The following TNIP3 variants were observed in gnomAD, a reference collection of about 807,000 sequenced individuals.
TNIP3 encodes the protein TNFAIP3-interacting protein 3.
In TNIP3, 34 loss-of-function variants were observed where a neutral mutation model predicts 54.1. The ratio of observed to expected loss-of-function variants is 0.63; its 90% CI spans 0.48 to 0.84. The LOEUF is 0.84. Among genes scored for constraint, TNIP3 ranks in the 40% least tolerant of loss-of-function variants. TNIP3 has a pLI of 0.00. For synonymous variants in TNIP3, 134 were observed against 136.8 expected (o/e 0.98, Z 0.14); for missense variants, 366 against 387.6 (o/e 0.94, Z 0.47).
At chr4:121,224,760 T>C (rs1727188015) in intron 1 of TNIP3, among the ~76,000 whole-genome samples, 2 of 152,194 alleles carry the variant, frequency 1.3e-5, no homozygotes, top group African/African-American at 4.8e-5. Context: ...ATTTTTCTCT[T>C]ATTTTAATAT....
rs956459765 is a variant in TNIP3, at chr4:121,224,833, A to G, written c.3+2552T>C. Among the ~76,000 whole-genome samples the G allele has an allele frequency of 9.2e-5, 14 of 152,290 alleles. No homozygotes were observed. The South Asian group carries it at 2.9e-3, about 32-fold the overall frequency. ...AACTATCTTCCTAGAAGATTTTTGA[A>G]CACCTTTCTAAGTAAAGAGTTTGGG... is the stretch of plus-strand genomic sequence containing the variant. On this transcript the variant is annotated intron_variant, in intron 1 of 12. Coordinates refer to the TNIP3 transcript ENST00000509841.
At chr4:121,167,308 G>A (rs1446414072), upstream of TNIP3, among the ~76,000 whole-genome samples, 3 of 152,056 alleles carry the variant, frequency 2.0e-5, no homozygotes, top group Non-Finnish European at 4.4e-5. Context: ...ATGAAGACCA[G>A]GAAATGAATG....
At chr4:121,215,706 A>G (rs1404975877) in intron 2 of TNIP3, among the ~76,000 whole-genome samples, 1 of 152,092 alleles carries the variant, frequency 6.6e-6, no homozygotes, top group African/African-American at 2.4e-5. Context: ...CAGATTTCCA[A>G]GAACAGTTTA....
At chr4:121,147,537 A>G (rs896807734) in intron 6 of TNIP3, among the ~76,000 whole-genome samples, 5 of 152,232 alleles carry the variant, frequency 3.3e-5, no homozygotes, top group African/African-American at 9.6e-5. Context: ...TTCCTTTTAT[A>G]AGTTATTTTG....
At chr4:121,191,606 C>G (rs747464716) in intron 2 of TNIP3, among the ~76,000 whole-genome samples, 20 of 152,150 alleles carry the variant, frequency 1.3e-4, no homozygotes, top group Non-Finnish European at 2.2e-4. Context: ...AAATGTTTCT[C>G]TCAAATCGCT....
intron 6 of TNIP3, among the ~76,000 whole-genome samples, chr4:121,147,481 A>C (rs545382013): frequency 6.6e-6 from 1 of 152,226 alleles, no homozygotes; most frequent in African/African-American, 2.4e-5. Context: ...AAACCCTTAC[A>C]TATGTGGAAA....
intron 2 of TNIP3, among the ~76,000 whole-genome samples, chr4:121,213,517 G>A (rs1481993163): frequency 1.3e-5 from 2 of 152,010 alleles, no homozygotes; most frequent in Non-Finnish European, 2.9e-5. Flanking sequence ...ATGAGGTCAG[G>A]AGATCGAGAC....
At position 121,158,720 on chromosome 4, in the gene TNIP3, T is replaced by C; in HGVS notation, c.180A>G (p.Gln60=). 6.2e-7 allele frequency: 1 copy of C among 1,613,094 alleles called. No homozygotes were observed. Among genetic ancestry groups the C allele is most frequent in the South Asian group, 1.1e-5 (1 of 90,876 alleles). ...LLEVNQQWDQ[Q]FRSMKELYER... ...CATATAACTCTTTCATACTTCTAAATTGCTGATCCCATTGCTGGTTAACTT... is the reference window on the plus strand; with the variant it reads ...CATATAACTCTTTCATACTTCTAAACTGCTGATCCCATTGCTGGTTAACTT... The change falls in exon 3 of 11, where the codon CAA becomes CAG. Residue 60 remains glutamine (Q), a synonymous_variant. Transcript: ENST00000057513.
chr4:121,191,179 A>T (rs1367962280), intron 2 of TNIP3, among the ~76,000 whole-genome samples: 2 of 152,198 alleles, frequency 1.3e-5, no homozygotes, highest in Non-Finnish European at 2.9e-5. Flanking sequence ...AGAAGCAGAG[A>T]CTATAAGGAA....
chr4:121,164,436 C>T, upstream of TNIP3: 1 of 806,044 alleles, frequency 1.2e-6, no homozygotes, highest in Non-Finnish European at 1.6e-6. Context: ...ATTAGCCTTG[C>T]TATAGTATGT....
chr4:121,201,095 T>C (rs1156590911), intron 2 of TNIP3, among the ~76,000 whole-genome samples: 1 of 152,204 alleles, frequency 6.6e-6, no homozygotes, highest in Non-Finnish European at 1.5e-5. Flanking sequence ...ATGAATGGAC[T>C]CTAAGCTATG....
intron 2 of TNIP3, among the ~76,000 whole-genome samples, chr4:121,203,514 G>A (rs1726016022): frequency 1.3e-5 from 2 of 152,046 alleles, no homozygotes; most frequent in Admixed American, 1.3e-4. Flanking sequence ...ACATTGGGTA[G>A]TGTACACTTT....
At chr4:121,203,865 G>T (rs1401051944) in intron 2 of TNIP3, among the ~76,000 whole-genome samples, 1 of 150,056 alleles carries the variant, frequency 6.7e-6, no homozygotes, top group African/African-American at 2.4e-5. Flanking sequence ...TTTTCTCTGT[G>T]TTTATACAAA....
chr4:121,181,427 T>G (rs1365214003), intron 3 of TNIP3, among the ~76,000 whole-genome samples: 2 of 152,142 alleles, frequency 1.3e-5, no homozygotes, highest in South Asian at 4.1e-4. Context: ...GAGGCCTTAT[T>G]TGACCTCATA....
At chr4:121,202,365 A>T (rs1725939504) in intron 2 of TNIP3, among the ~76,000 whole-genome samples, 1 of 152,250 alleles carries the variant, frequency 6.6e-6, no homozygotes, top group Admixed American at 6.5e-5. Context: ...AGCCACATGT[A>T]GAAGAATGAA....
intron 3 of TNIP3, among the ~76,000 whole-genome samples, chr4:121,180,408 A>C (rs958560603): frequency 6.6e-6 from 1 of 152,204 alleles, no homozygotes; most frequent in Non-Finnish European, 1.5e-5. Context: ...TCAGAAAAAA[A>C]AAATTATAGA....
At chr4:121,168,519 TGC>T (rs1385091946), upstream of TNIP3, among the ~76,000 whole-genome samples, 11 of 122,696 alleles carry the variant, frequency 9.0e-5, no homozygotes, top group African/African-American at 3.7e-4. Context: ...TTCTTTTCTT[TGC>T]TTTTTTTTTT....
At chr4:121,210,602 G>A (rs929183077) in intron 2 of TNIP3, among the ~76,000 whole-genome samples, 3 of 152,196 alleles carry the variant, frequency 2.0e-5, no homozygotes, top group African/African-American at 7.2e-5. Flanking sequence ...CAGTTCTGAA[G>A]GCTGGGAAGT....
chr4:121,164,428 T>C (rs1006626999), upstream of TNIP3: 25 of 903,826 alleles, frequency 2.8e-5, no homozygotes, highest in Middle Eastern at 9.0e-4. Flanking sequence ...TGGGGCAGAT[T>C]AGCCTTGCTA....
Sources: gnomAD v4.1 joint callset for allele counts (sites outside exome capture counted in the v4.1 genomes callset) on GRCh38, gnomAD v4.1.1 for gene constraint, MANE v1.5 for transcripts, NCBI Gene and HGNC (gene_info 2026-07-23, HGNC 2026-07-21) for gene names.